The following SYNDIG1 variants were observed in gnomAD, a reference collection of about 807,000 sequenced individuals.
The protein encoded by SYNDIG1 is synapse differentiation inducing 1, also known as synapse differentiation-inducing gene protein 1.
In SYNDIG1, 9 loss-of-function variants were observed where a neutral mutation model predicts 19.4. That is an observed-to-expected ratio of 0.46 (90% CI 0.28 to 0.81). The LOEUF is 0.81. Among genes scored for constraint, SYNDIG1 ranks in the 30% least tolerant of loss-of-function variants. The pLI, the probability that SYNDIG1 is intolerant of heterozygous loss-of-function variation, is 0.12. For synonymous variants in SYNDIG1, 141 were observed against 145.9 expected (o/e 0.97, Z 0.24); for missense variants, 311 against 343.3 (o/e 0.91, Z 0.74).
intron 3 of SYNDIG1, among the ~76,000 whole-genome samples, chr20:24,653,132 A>C (rs535000988): frequency 6.6e-6 from 1 of 152,336 alleles, no homozygotes; most frequent in East Asian, 1.9e-4. Context: ...ATCTTTATTT[A>C]AGTTATGGTA....
intron 3 of SYNDIG1, among the ~76,000 whole-genome samples, chr20:24,614,033 T>A (rs1409193339): frequency 3.3e-5 from 5 of 152,190 alleles, no homozygotes. Flanking sequence ...CTCTCTCTGT[T>A]GCCCAGGTTG....
intron 3 of SYNDIG1, among the ~76,000 whole-genome samples, chr20:24,662,513 G>A (rs2059613564): frequency 6.6e-6 from 1 of 152,126 alleles, no homozygotes; most frequent in South Asian, 2.1e-4. Context: ...ATGGAGCCCA[G>A]CTGCTTCCTG....
At chr20:24,636,015 A>T (rs1208652110) in intron 3 of SYNDIG1, among the ~76,000 whole-genome samples, 1 of 152,186 alleles carries the variant, frequency 6.6e-6, no homozygotes, top group African/African-American at 2.4e-5. Context: ...CTGCATAACA[A>T]TGACTGTCGT....
rs533347093 is a variant in SYNDIG1 at position 24,545,737 on chromosome 20, C to T, written c.480+2160C>T. Among the ~76,000 whole-genome samples, 70 of 152,274 alleles carry T rather than the reference C, an allele frequency of 4.6e-4. 1 individual carries two copies. Among genetic ancestry groups the T allele is most frequent in the African/African-American group, 1.6e-3 (68 of 41,558 alleles). On this transcript the variant is annotated intron_variant, in intron 2 of 3. Coordinates refer to ENST00000376862, the MANE Select transcript of SYNDIG1 (RefSeq NM_024893.3). ...TAGTATAGACTTCTGGGGAGGTAAC[C>T]TTTCCCACCCAGTCCTGCTTCTCTG...
chr20:24,575,134 G>A (rs2058207238), intron 2 of SYNDIG1, among the ~76,000 whole-genome samples: 1 of 152,316 alleles, frequency 6.6e-6, no homozygotes, highest in Admixed American at 6.5e-5. Flanking sequence ...TCTTCCCAAA[G>A]TTTGCCTTCC....
intron 1 of SYNDIG1, among the ~76,000 whole-genome samples, chr20:24,488,449 G>T (rs2056032939): frequency 6.6e-6 from 1 of 152,222 alleles, no homozygotes; most frequent in South Asian, 2.1e-4. Context: ...TCACTACCTG[G>T]TGGTGTGCCG....
At position 24,498,414 on chromosome 20, in the gene SYNDIG1, C is replaced by T. The variant is rs541836670; in HGVS notation, c.-79+28661C>T. 4.3e-4 allele frequency among the ~76,000 whole-genome samples: 66 copies of T among 152,246 alleles called. No individual in the cohort carries two copies. In the South Asian group the frequency reaches 5.0e-3, roughly 11 times the overall value. Reference sequence around the variant, plus strand: ...TAAAATTTTGTCCTTTAAATTTCTACGTTAGCCATAGGCGCTGAGCTGCAC... The same window carrying T: ...TAAAATTTTGTCCTTTAAATTTCTATGTTAGCCATAGGCGCTGAGCTGCAC... On this transcript the variant is annotated intron_variant, in intron 1 of 3. Transcript: ENST00000376862.
intron 3 of SYNDIG1, among the ~76,000 whole-genome samples, chr20:24,618,035 T>A (rs1361050240): frequency 2.9e-3 from 79 of 26,978 alleles, no homozygotes; most frequent in South Asian, 9.8e-3. Context: ...GCCCGGGGAG[T>A]GGGGAGAGCC....
intron 1 of SYNDIG1, among the ~76,000 whole-genome samples, chr20:24,531,302 C>G (rs1476953522): frequency 6.6e-6 from 1 of 152,158 alleles, no homozygotes; most frequent in Admixed American, 6.5e-5. Flanking sequence ...GTTCCTTCCA[C>G]TCTATACAGT....
intron 1 of SYNDIG1, among the ~76,000 whole-genome samples, chr20:24,508,218 A>ATTTT (rs34436263): frequency 0.03 from 2,216 of 73,226 alleles, 565 homozygotes; most frequent in African/African-American, 0.048. Flanking sequence ...AAGGAGGATA[A>ATTTT]TTTTTTTTTT....
chr20:24,557,413 G>GT (rs912942791), intron 2 of SYNDIG1, among the ~76,000 whole-genome samples: 17 of 152,126 alleles, frequency 1.1e-4, no homozygotes, highest in African/African-American at 3.9e-4. Context: ...TTTCTGCTCT[G>GT]TTTTTTTCCC....
intron 3 of SYNDIG1, among the ~76,000 whole-genome samples, chr20:24,640,629 A>T (rs1242960864): frequency 6.6e-6 from 1 of 152,100 alleles, no homozygotes; most frequent in Non-Finnish European, 1.5e-5. Context: ...TTTACTATGT[A>T]ATTGTTTTTC....
At chr20:24,547,065 T>C (rs1334863203) in intron 2 of SYNDIG1, among the ~76,000 whole-genome samples, 1 of 152,038 alleles carries the variant, frequency 6.6e-6, no homozygotes, top group Non-Finnish European at 1.5e-5. Flanking sequence ...TTGCCCTTGT[T>C]CAGGGCCCCT....
chr20:24,641,514 T>G (rs911271529), intron 3 of SYNDIG1, among the ~76,000 whole-genome samples: 9 of 152,200 alleles, frequency 5.9e-5, no homozygotes, highest in African/African-American at 2.2e-4. Flanking sequence ...GTGTTGTCCG[T>G]ATGGTGTTTG....
chr20:24,540,247 T>C (rs2057442731), intron 1 of SYNDIG1, among the ~76,000 whole-genome samples: 2 of 152,262 alleles, frequency 1.3e-5, no homozygotes, highest in Non-Finnish European at 2.9e-5. Context: ...TTTTTGTGTA[T>C]TAACTTTGTA....
At chr20:24,520,491 T>TG (rs2056981803) in intron 1 of SYNDIG1, among the ~76,000 whole-genome samples, 1 of 151,978 alleles carries the variant, frequency 6.6e-6, no homozygotes, top group Non-Finnish European at 1.5e-5. Flanking sequence ...CTCAAGAGTT[T>TG]GGGTCAGCCT....
intron 1 of SYNDIG1, among the ~76,000 whole-genome samples, chr20:24,521,899 C>CAAA (rs11484410): frequency 1.2e-3 from 161 of 136,904 alleles, no homozygotes; most frequent in African/African-American, 3.8e-3. Context: ...GACTCCCTCT[C>CAAA]AAAAAAAAAA....
chr20:24,470,706 C>T (rs1230010318), intron 1 of SYNDIG1, among the ~76,000 whole-genome samples: 1 of 152,160 alleles, frequency 6.6e-6, no homozygotes, highest in African/African-American at 2.4e-5. Context: ...TTTGAGGAGG[C>T]GGCCAGAGGG....
At chr20:24,472,783 C>T (rs1014128763) in intron 1 of SYNDIG1, among the ~76,000 whole-genome samples, 3 of 152,210 alleles carry the variant, frequency 2.0e-5, no homozygotes, top group Admixed American at 6.5e-5. Context: ...TTCTGCACAC[C>T]TCTGTGCTTT....
Sources: allele counts gnomAD v4.1 joint callset (sites outside exome capture counted in the v4.1 genomes callset), GRCh38; gene constraint gnomAD v4.1.1; transcripts MANE v1.5; gene names NCBI Gene and HGNC (gene_info 2026-07-23, HGNC 2026-07-21).